Variants in RIMS2 observed in about 807,000 individuals in gnomAD.
RIMS2 encodes the protein regulating synaptic membrane exocytosis protein 2.
In RIMS2, 59 loss-of-function variants were observed where a neutral mutation model predicts 174.4. That is an observed-to-expected ratio of 0.34 (90% CI 0.27 to 0.42). The LOEUF (loss-of-function observed/expected upper bound fraction) is 0.42, where lower values mean the gene tolerates loss of function less well. Among genes scored for constraint, RIMS2 ranks in the 10% least tolerant of loss-of-function variants. The pLI, the probability that RIMS2 is intolerant of heterozygous loss-of-function variation, is 1.00. For missense variants in RIMS2, 1,620 were observed against 1,666.3 expected (o/e 0.97, Z 0.48); for synonymous variants, 606 against 572.5 (o/e 1.06, Z -0.84).
At chr8:103,558,869 A>C (rs2091035471) in intron 1 of RIMS2, among the ~76,000 whole-genome samples, 1 of 152,112 alleles carries the variant, frequency 6.6e-6, no homozygotes, top group South Asian at 2.1e-4. Context: ...TTAAAAAACA[A>C]GCAGGGCCTT....
chr8:103,783,469 G>A lies in RIMS2; in HGVS notation c.698+16932G>A, dbSNP rs1045701538. Among the ~76,000 whole-genome samples, 9 of 146,430 alleles carry A rather than the reference G, an allele frequency of 6.1e-5. No individual in the cohort carries two copies. In the South Asian group the frequency reaches 1.5e-3, roughly 25 times the overall value. The stretch of plus-strand genomic sequence containing the variant: ...CAGAGTGTGATATTCCCCTTCATGT[G>A]TCCATGTGATCTCATTGTTCAATTC... On this transcript the variant is annotated intron_variant, in intron 3 of 23. Transcript: ENST00000504942.
chr8:103,857,379 CCTTAAT>C (rs1423854191), intron 3 of RIMS2, among the ~76,000 whole-genome samples: 59 of 152,006 alleles, frequency 3.9e-4, no homozygotes, highest in African/African-American at 1.3e-3. Context: ...TTATTTTTGT[CCTTAAT>C]CTTAAGCAGC....
At chr8:103,922,049 A>G (rs185731414) in intron 10 of RIMS2, 1 of 226,422 alleles carries the variant, frequency 4.4e-6, no homozygotes, top group East Asian at 1.2e-4. Context: ...TTATAACAAA[A>G]TTCAAGTTCA....
intron 2 of RIMS2, among the ~76,000 whole-genome samples, chr8:103,729,584 T>C (rs1210104403): frequency 6.6e-6 from 1 of 152,160 alleles, no homozygotes; most frequent in Admixed American, 6.5e-5. Context: ...CTATGATTTG[T>C]GTTATTACTT....
At chr8:103,699,746 C>T (rs2097147680) in intron 2 of RIMS2, among the ~76,000 whole-genome samples, 1 of 152,128 alleles carries the variant, frequency 6.6e-6, no homozygotes, top group African/African-American at 2.4e-5. Flanking sequence ...CTAAGTACTA[C>T]TTTACTGGCA....
chr8:103,569,433 G>T (rs1192271178), intron 1 of RIMS2, among the ~76,000 whole-genome samples: 1 of 152,088 alleles, frequency 6.6e-6, no homozygotes, highest in African/African-American at 2.4e-5. Context: ...TATTGAATCT[G>T]TAGGTCAATT....
At chr8:103,579,152 C>T (rs993545606) in intron 1 of RIMS2, among the ~76,000 whole-genome samples, 1 of 151,926 alleles carries the variant, frequency 6.6e-6, no homozygotes, top group African/African-American at 2.4e-5. Context: ...CCTGTAATCC[C>T]AGCTACTTGA....
At chr8:103,811,253 G>A (rs1364157095) in intron 3 of RIMS2, among the ~76,000 whole-genome samples, 1 of 152,026 alleles carries the variant, frequency 6.6e-6, no homozygotes, top group Non-Finnish European at 1.5e-5. Context: ...CAGTCCTAAC[G>A]CTAAAAGGAT....
At chr8:104,230,978 C>T (rs1291489391) in intron 19 of RIMS2, among the ~76,000 whole-genome samples, 3 of 152,114 alleles carry the variant, frequency 2.0e-5, no homozygotes, top group African/African-American at 7.2e-5. Flanking sequence ...TAAAAACTTT[C>T]AAACATTATT....
At chr8:104,117,402 T>C (rs1478467162) in intron 19 of RIMS2, among the ~76,000 whole-genome samples, 3 of 151,884 alleles carry the variant, frequency 2.0e-5, no homozygotes, top group African/African-American at 7.3e-5. Flanking sequence ...TTTTTTTTTT[T>C]AATAGAAGCA....
At chr8:103,872,344 C>G (rs2099116399) in intron 3 of RIMS2, among the ~76,000 whole-genome samples, 1 of 152,120 alleles carries the variant, frequency 6.6e-6, no homozygotes, top group Non-Finnish European at 1.5e-5. Flanking sequence ...CTATTGTAAC[C>G]TTTTATTTAC....
intron 1 of RIMS2, among the ~76,000 whole-genome samples, chr8:103,601,569 A>G (rs1240258751): frequency 6.6e-6 from 1 of 151,990 alleles, no homozygotes; most frequent in Non-Finnish European, 1.5e-5. Flanking sequence ...ATATAGGTGA[A>G]GTGTGTTTCT....
intron 17 of RIMS2, among the ~76,000 whole-genome samples, chr8:104,008,964 C>T (rs2095672023): frequency 1.3e-5 from 2 of 151,930 alleles, no homozygotes; most frequent in Non-Finnish European, 2.9e-5. Flanking sequence ...TGCTTATTTA[C>T]CATGATTTCT....
intron 1 of RIMS2, among the ~76,000 whole-genome samples, chr8:103,673,226 C>G (rs2096766907): frequency 6.6e-6 from 1 of 152,132 alleles, no homozygotes; most frequent in South Asian, 2.1e-4. Context: ...GCAGCTTTTC[C>G]ACATGCAGGA....
chr8:104,102,205 T>C (rs987188647), intron 19 of RIMS2, among the ~76,000 whole-genome samples: 2 of 152,120 alleles, frequency 1.3e-5, no homozygotes, highest in African/African-American at 4.8e-5. Context: ...GCTCAGCATG[T>C]AAAATTAAAT....
intron 19 of RIMS2, chr8:104,015,464 C>T (rs559249347): frequency 2.7e-5 from 19 of 696,398 alleles, no homozygotes; most frequent in Non-Finnish European, 4.4e-5. Context: ...AAGGTCTGTA[C>T]ATAAAAGAGG....
intron 3 of RIMS2, among the ~76,000 whole-genome samples, chr8:103,828,948 A>G (rs1217612301): frequency 2.6e-5 from 4 of 152,050 alleles, no homozygotes; most frequent in Non-Finnish European, 4.4e-5. Context: ...TACCAGTACC[A>G]TGTTGTTTGG....
intron 1 of RIMS2, among the ~76,000 whole-genome samples, chr8:103,695,277 T>C (rs973843537): frequency 8.5e-5 from 13 of 152,174 alleles, no homozygotes; most frequent in African/African-American, 3.1e-4. Context: ...GTTGTTCAAA[T>C]TGATGTTTCT....
At chr8:103,918,461 A>G (rs1389803091) in exon 9 of RIMS2, 2 of 1,603,254 alleles carry the variant, frequency 1.2e-6, no homozygotes, top group South Asian at 1.1e-5. Context: ...CGAATACCTG[A>G]TAGCACACAT....
Sources: gnomAD v4.1 joint callset for allele counts (sites outside exome capture counted in the v4.1 genomes callset) on GRCh38, gnomAD v4.1.1 for gene constraint, MANE v1.5 for transcripts, NCBI Gene and HGNC (gene_info 2026-07-23, HGNC 2026-07-21) for gene names.